PDCD2: variants seen among roughly 807,000 people sequenced by gnomAD.
PDCD2 encodes the protein programmed cell death 2, also known as uS5 assembly chaperone PDCD2.
Under a neutral mutation model 38.1 loss-of-function variants are expected in PDCD2, and 38 were observed. The observed-to-expected ratio is 1.00, with a 90% CI of 0.77 to 1.31. The LOEUF is 1.31. Among genes scored for constraint, PDCD2 ranks in the 50% most tolerant of loss-of-function variants. PDCD2 has a pLI of 0.00. For synonymous variants in PDCD2, 205 were observed against 168.9 expected (o/e 1.21, Z -1.66); for missense variants, 473 against 435.7 (o/e 1.09, Z -0.76).
chr6:170,583,258 T>A, intron 2 of PDCD2, 70 bp from the exon 3 acceptor site: 2 of 1,123,516 alleles, frequency 1.8e-6, no homozygotes, highest in Non-Finnish European at 2.6e-6. Flanking sequence ...TTGCTGTCTC[T>A]AAAGTACTAT....
intron 5 of PDCD2, 176 bp downstream of exon 5, chr6:170,578,681 A>G: frequency 4.3e-6 from 3 of 705,420 alleles, no homozygotes; most frequent in Non-Finnish European, 7.8e-6. Context: ...AAAACAAGAC[A>G]GTTCCTTCCA....
chr6:170,584,455 G>A lies in PDCD2; in HGVS notation c.127C>T (p.Leu43=). 1 of 1,309,370 alleles carries A rather than the reference G, an allele frequency of 7.6e-7. No homozygotes were observed. Among genetic ancestry groups the A allele is most frequent in the Non-Finnish European group, 9.6e-7 (1 of 1,036,482 alleles). 81.1% of individuals were successfully genotyped at this position (1,309,370 alleles called of 1,614,324 possible). The change falls in exon 1 of 6, where the codon CTG becomes TTG. Residue 43 remains leucine, a synonymous_variant. Transcript: ENST00000541970. ...GRPAWLGAAG[L]PGPQALACEL... is the part of the protein sequence containing the mutation. Reference sequence around the variant, plus strand: ...CAGGCCAGGGCCTGGGGCCCCGGCAGCCCGGCCGCGCCCAGCCATGCCGGC... The same window carrying A: ...CAGGCCAGGGCCTGGGGCCCCGGCAACCCGGCCGCGCCCAGCCATGCCGGC...
rs373202680 is a variant in PDCD2 at position 170,583,132 on chromosome 6, C to T, written c.583G>A (p.Val195Ile). ...HNFLFPEFEI[V>I]IETEDEIMPE... ...ATAATCTCATCTTCTGTTTCTATTACAATTTCAAATTCTGGAAAAAGGAAG... is the reference window on the plus strand; with the variant it reads ...ATAATCTCATCTTCTGTTTCTATTATAATTTCAAATTCTGGAAAAAGGAAG... The change falls in exon 3 of 6, where the codon GTA (valine) becomes ATA (isoleucine). Residue 195 changes from valine to isoleucine, a missense_variant. Transcript: ENST00000541970. 4.7e-5 allele frequency: 76 copies of T among 1,613,096 alleles called. No homozygotes were observed. The highest frequency in any genetic ancestry group is 6.3e-5 in the Non-Finnish European group (74 of 1,179,652).
intron 3 of PDCD2, among the ~76,000 whole-genome samples, chr6:170,580,587 T>C (rs527887725): frequency 6.6e-6 from 1 of 152,134 alleles, no homozygotes; most frequent in South Asian, 2.1e-4. Flanking sequence ...TGGTGGTAGG[T>C]GCCTGTAATC....
intron 3 of PDCD2, among the ~76,000 whole-genome samples, chr6:170,580,633 T>C (rs924727400): frequency 6.6e-6 from 1 of 152,104 alleles, no homozygotes; most frequent in African/African-American, 2.4e-5. Context: ...GAGAGTCACT[T>C]GAACCTGGGA....
At position 170,577,212 on chromosome 6, in the gene PDCD2, G is replaced by C. The variant is rs1779469731; in HGVS notation, c.*347C>G. ...TTTTAGTTAGTCCCACCATTCGTTG[G>C]TAACCAGTTCACTAAGTGTACATCT... On this transcript the variant is annotated 3_prime_UTR_variant, in exon 6 of 6. Transcript: ENST00000541970. The C allele has an allele frequency of 5.9e-6, 1 of 170,888 alleles. No individual in the cohort carries two copies. 10.6% of individuals were successfully genotyped at this position (170,888 alleles called of 1,614,324 possible).
Position 170,584,334 on chromosome 6 carries a change from C to G in PDCD2, c.248G>C (p.Cys83Ser). ...DAFHRCIFLFCCREQPCCAGL... is the reference protein window; with the variant it reads ...DAFHRCIFLFSCREQPCCAGL... The stretch of plus-strand genomic sequence containing the variant: ...GGCACAGCACGGCTGCTCGCGGCAG[C>G]AGAAGAGGAAGATGCAGCGGTGGAA... Residue 83 changes from cysteine to serine, a missense_variant, in exon 1 of 6, where the codon TGC becomes TCC. Physicochemically the swap from Cys to Ser is moderately radical, Grantham distance 112. Coordinates refer to ENST00000541970, the MANE Select transcript of PDCD2 (RefSeq NM_002598.4). 1 of 1,501,746 alleles carries G rather than the reference C, an allele frequency of 6.7e-7. No individual in the cohort carries two copies. Among genetic ancestry groups the G allele is most frequent in the Non-Finnish European group, 8.8e-7 (1 of 1,131,066 alleles). The allele number at this position is 1,501,746 out of a possible 1,614,324, so 93.0% of individuals were successfully genotyped here. A position where few individuals can be genotyped will look rare whatever the true frequency, so the allele number is the denominator to read the frequency against.
At position 170,584,180 on chromosome 6, in the gene PDCD2, G is replaced by C. The variant is rs1409107850; in HGVS notation, c.283+119C>G. 4.5e-6 allele frequency: 5 copies of C among 1,119,034 alleles called. No individual in the cohort carries two copies. The African/African-American group carries it at 8.1e-5, about 18-fold the overall frequency. 69.3% of individuals were successfully genotyped at this position (1,119,034 alleles called of 1,614,324 possible). On this transcript the variant is annotated intron_variant, in intron 1 of 5. Transcript: ENST00000541970. ...AGGTGCTCCTGGGGCAGCGCGGAGAGGGAGCTCTGAGGCTGGGGCGGCAGC... is the reference window on the plus strand; with the variant it reads ...AGGTGCTCCTGGGGCAGCGCGGAGACGGAGCTCTGAGGCTGGGGCGGCAGC...
intron 5 of PDCD2, chr6:170,578,340 T>G (rs1159137961): frequency 7.4e-6 from 3 of 406,574 alleles, no homozygotes; most frequent in Admixed American, 4.2e-5. Flanking sequence ...AATCCATAGC[T>G]CAAGAGCATT....
chr6:170,584,398 G>A lies in PDCD2; in HGVS notation c.184C>T (p.Leu62=), dbSNP rs562369624. 1.4e-6 allele frequency: 2 copies of A among 1,441,428 alleles called. No homozygotes were observed. The highest frequency in any genetic ancestry group is 2.7e-5 in the East Asian group (1 of 36,792). The allele number at this position is 1,441,428 out of a possible 1,614,324, so 89.3% of individuals were successfully genotyped here. The part of the protein sequence containing the change: ...ELCGRPLSFL[L]QVYAPLPGRP... ...CCAGGCAGCGGCGCATACACCTGCA[G>A]CAGGAAGGAGAGCGGGCGGCCGCAC... Residue 62 remains leucine (L), a synonymous_variant, in exon 1 of 6, where the codon CTG becomes TTG. Coordinates refer to ENST00000541970, the MANE Select transcript of PDCD2 (RefSeq NM_002598.4).
rs573736418 is a variant in PDCD2 at position 170,576,881 on chromosome 6, A to C, written c.*678T>G. The C allele has an allele frequency of 2.0e-5, 3 of 152,360 alleles. No individual in the cohort carries two copies. Among genetic ancestry groups the C allele is most frequent in the African/African-American group, 4.8e-5 (2 of 41,580 alleles). 9.4% of individuals were successfully genotyped at this position (152,360 alleles called of 1,614,324 possible). ...CTCTTTAAATTCCAGTTCTGTGATC[A>C]CAAAGCCACTGTTGTTCCTCATCCT... On this transcript the variant is annotated 3_prime_UTR_variant, in exon 6 of 6. Transcript: ENST00000541970.
At position 170,577,575 on chromosome 6, in the gene PDCD2, ACAT is replaced by A; in HGVS notation, c.1016_1018del (p.Asp339del). ...AAGATGCCTTTACGGTGTATCTGTTACATCCTGCTTCCACACAAATTCTTCTGT... is the reference window on the plus strand; with the variant it reads ...AAGATGCCTTTACGGTGTATCTGTTACCTGCTTCCACACAAATTCTTCTGT... On this transcript the variant is annotated inframe_deletion, in exon 6 of 6. Coordinates refer to ENST00000541970, the MANE Select transcript of PDCD2 (RefSeq NM_002598.4). 1 of 1,614,036 alleles carries A rather than the reference ACAT, an allele frequency of 6.2e-7. No individual in the cohort carries two copies. The highest frequency in any genetic ancestry group is 8.5e-7 in the Non-Finnish European group (1 of 1,179,932).
At position 170,578,925 on chromosome 6, in the gene PDCD2, C is replaced by T. The variant is rs776080602; in HGVS notation, c.808G>A (p.Glu270Lys). 15 of 1,605,166 alleles carry T rather than the reference C, an allele frequency of 9.3e-6. No homozygotes were observed. Among genetic ancestry groups the T allele is most frequent in the Non-Finnish European group, 1.2e-5 (14 of 1,177,450 alleles). The change falls in exon 5 of 6, where the codon GAA becomes AAA. Residue 270 changes from glutamate (E) to lysine (K), a missense_variant. By Grantham distance (56) the Glu-to-Lys change is moderately conservative. Coordinates refer to ENST00000541970, the MANE Select transcript of PDCD2 (RefSeq NM_002598.4). ...RGIAPIWISGENIPQEKDIPD... is the reference protein window; with the variant it reads ...RGIAPIWISGKNIPQEKDIPD... Reference sequence around the variant, plus strand: ...ATATCCTTTTCTTGAGGAATATTTTCACCAGAAATCCAGATGGGGGCAATA... The same window carrying T: ...ATATCCTTTTCTTGAGGAATATTTTTACCAGAAATCCAGATGGGGGCAATA...
chr6:170,580,306 A>G (rs890621069), intron 3 of PDCD2, among the ~76,000 whole-genome samples: 15 of 152,340 alleles, frequency 9.8e-5, no homozygotes, highest in African/African-American at 3.4e-4. Flanking sequence ...TAAAGCTTCA[A>G]AATAACAGAA....
chr6:170,578,584 C>G (rs1399695854), intron 5 of PDCD2: 3 of 701,726 alleles, frequency 4.3e-6, no homozygotes, highest in Non-Finnish European at 7.8e-6. Context: ...AATGACATAA[C>G]CACACTGGAG....
intron 4 of PDCD2, 89 bp downstream of exon 4, chr6:170,579,913 A>G (rs542742249): frequency 2.7e-6 from 2 of 753,196 alleles, no homozygotes; most frequent in South Asian, 3.1e-5. Context: ...GGAACAGACT[A>G]ATGTTACTAT....
In PDCD2 at chr6:170,578,973, A is replaced by G; in HGVS notation, c.763-3T>C. On this transcript the variant is annotated splice_polypyrimidine_tract_variant and splice_region_variant and intron_variant, in intron 4 of 5. Transcript: ENST00000541970. ...ATACCTCTGCCATATCTAAGAATCT[A>G]AAATCAATGAAGATCATGTTCAAAT... 6.6e-7 allele frequency: 1 copy of G among 1,515,156 alleles called. No individual in the cohort carries two copies. Among genetic ancestry groups the G allele is most frequent in the Non-Finnish European group, 9.0e-7 (1 of 1,108,016 alleles). The allele number at this position is 1,515,156 out of a possible 1,614,324, so 93.9% of individuals were successfully genotyped here. A position where few individuals can be genotyped will look rare whatever the true frequency, so the allele number is the denominator to read the frequency against.
chr6:170,578,548 CAA>C, intron 5 of PDCD2: 1 of 689,456 alleles, frequency 1.5e-6, no homozygotes, highest in Non-Finnish European at 2.6e-6. Flanking sequence ...TTTAAAATAA[CAA>C]AAGTTAACAG....
chr6:170,582,496 T>C, intron 3 of PDCD2: 1 of 1,371,394 alleles, frequency 7.3e-7, no homozygotes, highest in East Asian at 2.7e-5. Flanking sequence ...AATGGGGCAG[T>C]TTCTCACTCA....
Sources: gnomAD v4.1 joint callset for allele counts (sites outside exome capture counted in the v4.1 genomes callset) on GRCh38, gnomAD v4.1.1 for gene constraint, MANE v1.5 for transcripts, NCBI Gene and HGNC (gene_info 2026-07-23, HGNC 2026-07-21) for gene names.